ADGRB3: variants seen among roughly 807,000 people sequenced by gnomAD.
ADGRB3 encodes brain-specific angiogenesis inhibitor 3.
Under a neutral mutation model 193.4 loss-of-function variants are expected in ADGRB3, and 37 were observed. The ratio of observed to expected loss-of-function variants is 0.19; its 90% confidence interval spans 0.15 to 0.25. The LOEUF is 0.25. Ranked by LOEUF, ADGRB3 falls within the 10% of genes least tolerant of loss-of-function variation. The pLI is 1.00. For synonymous variants in ADGRB3, 690 were observed against 644.2 expected, an observed-to-expected ratio of 1.07 and a Z score of -1.08; for missense variants, 1,637 against 1,852.9, an observed-to-expected ratio of 0.88 and a Z score of 2.14.
At chr6:69,297,533 A>T (rs145915665) in intron 20 of ADGRB3, among the ~76,000 whole-genome samples, 1 of 152,070 alleles carries the variant, frequency 6.6e-6, no homozygotes, top group East Asian at 1.9e-4. Context: ...TTCCTCAGCA[A>T]TAAAGTTGCT....
chr6:69,371,540 T>A (rs1769707645), intron 29 of ADGRB3, among the ~76,000 whole-genome samples: 2 of 152,114 alleles, frequency 1.3e-5, no homozygotes, highest in South Asian at 4.1e-4. Flanking sequence ...CCCTGTTTCA[T>A]TCCCTCTCTC....
chr6:69,091,069 G>A (rs1340367397), intron 17 of ADGRB3, among the ~76,000 whole-genome samples: 1 of 152,210 alleles, frequency 6.6e-6, no homozygotes, highest in Non-Finnish European at 1.5e-5. Flanking sequence ...TTAGAGAAAT[G>A]TAAATCAAAA....
intron 21 of ADGRB3, 126 bp from the exon 22 acceptor site, chr6:69,327,694 G>A (rs1768609668): frequency 1.7e-6 from 1 of 604,692 alleles, no homozygotes. Context: ...AACATACCTT[G>A]TGAAGTGACT....
At chr6:68,973,840 G>A (rs1436398324) in intron 8 of ADGRB3, among the ~76,000 whole-genome samples, 1 of 152,090 alleles carries the variant, frequency 6.6e-6, no homozygotes, top group Non-Finnish European at 1.5e-5. Flanking sequence ...TCACATGGGA[G>A]CAAGATGTCA....
chr6:69,047,328 A>G (rs975874766), intron 13 of ADGRB3, among the ~76,000 whole-genome samples: 2 of 151,652 alleles, frequency 1.3e-5, no homozygotes, highest in Non-Finnish European at 2.9e-5. Context: ...TATAATCTAG[A>G]CATGCTGGAG....
intron 3 of ADGRB3, among the ~76,000 whole-genome samples, chr6:68,821,953 G>A (rs751248124): frequency 2.1e-4 from 32 of 151,974 alleles, no homozygotes; most frequent in Non-Finnish European, 3.2e-4. Context: ...ATCCACGGAG[G>A]TAGGTACTAT....
chr6:69,051,440 T>C (rs1320183261), intron 15 of ADGRB3, among the ~76,000 whole-genome samples: 1 of 152,232 alleles, frequency 6.6e-6, no homozygotes, highest in Non-Finnish European at 1.5e-5. Flanking sequence ...TGTTTACCTG[T>C]ACATTCTTTG....
intron 3 of ADGRB3, among the ~76,000 whole-genome samples, chr6:68,887,950 A>C (rs1765955722): frequency 1.3e-5 from 2 of 152,192 alleles, no homozygotes; most frequent in South Asian, 4.1e-4. Context: ...GATGGCTGAC[A>C]AGAGCTGAGT....
At chr6:68,885,377 A>G (rs1224343108) in intron 3 of ADGRB3, among the ~76,000 whole-genome samples, 1 of 152,186 alleles carries the variant, frequency 6.6e-6, no homozygotes, top group African/African-American at 2.4e-5. Context: ...TGAACATATT[A>G]TGTATTTATG....
chr6:68,677,721 G>A (rs1769131207), intron 3 of ADGRB3, among the ~76,000 whole-genome samples: 1 of 151,776 alleles, frequency 6.6e-6, no homozygotes, highest in Non-Finnish European at 1.5e-5. Context: ...GTTTCACCAT[G>A]TTGGTCAGGC....
At chr6:68,845,580 C>A (rs903762292) in intron 3 of ADGRB3, among the ~76,000 whole-genome samples, 22 of 152,110 alleles carry the variant, frequency 1.4e-4, no homozygotes, top group Admixed American at 2.0e-4. Context: ...GGGAGTAGGT[C>A]TTTCTCATGC....
In ADGRB3 at chr6:68,944,014, G is replaced by C; in HGVS notation, c.1195+20G>C. 1.3e-6 allele frequency: 2 copies of C among 1,577,890 alleles called. No homozygotes were observed. Among genetic ancestry groups the C allele is most frequent in the Non-Finnish European group, 1.7e-6 (2 of 1,155,224 alleles). The stretch of plus-strand genomic sequence containing the variant: ...GCCCAGGTGAGCCTATTCTGCATTT[G>C]GTTATGTTTGCATTATGTGCTTTTT... On this transcript the variant is annotated intron_variant, in intron 6 of 31. Coordinates refer to ENST00000370598, the MANE Select transcript of ADGRB3 (RefSeq NM_001704.3).
At chr6:69,056,256 C>T (rs140555434) in intron 15 of ADGRB3, among the ~76,000 whole-genome samples, 56 of 152,130 alleles carry the variant, frequency 3.7e-4, no homozygotes, top group Non-Finnish European at 4.6e-4. Flanking sequence ...TGTCCATTTG[C>T]GTACCTTCTT....
chr6:68,740,624 A>G (rs1294098624), intron 3 of ADGRB3, among the ~76,000 whole-genome samples: 3 of 152,202 alleles, frequency 2.0e-5, no homozygotes, highest in Non-Finnish European at 4.4e-5. Context: ...ATGTCCTTGT[A>G]TGGGCCACAA....
At chr6:69,182,838 T>G (rs1041188289) in intron 17 of ADGRB3, among the ~76,000 whole-genome samples, 1 of 152,120 alleles carries the variant, frequency 6.6e-6, no homozygotes, top group Non-Finnish European at 1.5e-5. Context: ...CATCATAACA[T>G]TGCTGAACAA....
chr6:69,297,729 T>TA (rs1453345637), intron 20 of ADGRB3, among the ~76,000 whole-genome samples: 1 of 152,020 alleles, frequency 6.6e-6, no homozygotes, highest in Non-Finnish European at 1.5e-5. Flanking sequence ...AGCAAATGAA[T>TA]ACTAAAAAAG....
At position 69,028,475 on chromosome 6, in the gene ADGRB3, C is replaced by T. The variant is rs565256444; in HGVS notation, c.2107+9976C>T. Among the ~76,000 whole-genome samples, 5 of 152,248 alleles carry T rather than the reference C, an allele frequency of 3.3e-5. No individual in the cohort carries two copies. In the South Asian group the frequency reaches 1.0e-3, roughly 32 times the overall value. ...ATGTTATGTGTAATAGAACTAGTCT[C>T]ATAGTTATAACCCTGGACTTTAATG... On this transcript the variant is annotated intron_variant, in intron 13 of 31. Coordinates refer to ENST00000370598, the MANE Select transcript of ADGRB3 (RefSeq NM_001704.3).
At chr6:69,328,553 G>A (rs1561988922) in intron 22 of ADGRB3, among the ~76,000 whole-genome samples, 1 of 152,092 alleles carries the variant, frequency 6.6e-6, no homozygotes. Flanking sequence ...AAGAAGTGGG[G>A]AAAGAAATGT....
At chr6:68,657,678 G>A (rs1389370140) in intron 3 of ADGRB3, among the ~76,000 whole-genome samples, 1 of 151,052 alleles carries the variant, frequency 6.6e-6, no homozygotes, top group Non-Finnish European at 1.5e-5. Context: ...ACTTGTAAAG[G>A]GTTTTATCAA....
Sources: gnomAD v4.1 joint callset for allele counts (sites outside exome capture counted in the v4.1 genomes callset) on GRCh38, gnomAD v4.1.1 for gene constraint, MANE v1.5 for transcripts, NCBI Gene and HGNC (gene_info 2026-07-23, HGNC 2026-07-21) for gene names.